Variants in GAS7 observed in about 807,000 individuals in gnomAD.
GAS7 encodes the protein growth arrest-specific protein 7.
GAS7 carries 28 observed loss-of-function variants against 71.1 expected under a neutral mutation model. That is an observed-to-expected ratio of 0.39 (90% CI 0.29 to 0.54). GAS7 has a LOEUF of 0.54. Among genes scored for constraint, GAS7 ranks in the 20% least tolerant of loss-of-function variants. The pLI is 0.62. For missense variants in GAS7, 436 were observed against 627.8 expected (o/e 0.69, Z 3.27); for synonymous variants, 258 against 245.8 (o/e 1.05, Z -0.46).
In GAS7 at chr17:10,161,860, C is replaced by T. The variant is rs140182640; in HGVS notation, c.183+36348G>A. 2.0e-5 allele frequency among the ~76,000 whole-genome samples: 3 copies of T among 152,040 alleles called. No individual in the cohort carries two copies. In the East Asian group the frequency reaches 5.8e-4, roughly 29 times the overall value. On this transcript the variant is annotated intron_variant, in intron 1 of 13. Coordinates refer to ENST00000432992, the MANE Select transcript of GAS7 (RefSeq NM_201433.2). ...CGGGCGGATCATGAGGTCAGGAGAT[C>T]GAGACCATCCTGGTTAACGCGGTGA...
At chr17:10,053,162 T>C (rs1464747360) in intron 1 of GAS7, among the ~76,000 whole-genome samples, 1 of 152,012 alleles carries the variant, frequency 6.6e-6, no homozygotes, top group African/African-American at 2.4e-5. Flanking sequence ...TATTTTACCC[T>C]AGGAGGAGTC....
At chr17:9,990,577 C>G (rs1163336019) in intron 2 of GAS7, among the ~76,000 whole-genome samples, 1 of 152,164 alleles carries the variant, frequency 6.6e-6, no homozygotes, top group Non-Finnish European at 1.5e-5. Context: ...AGGGAAGGAG[C>G]AAGCCACACA....
At chr17:10,090,152 G>C (rs1382749559) in intron 1 of GAS7, among the ~76,000 whole-genome samples, 1 of 149,330 alleles carries the variant, frequency 6.7e-6, no homozygotes, top group Non-Finnish European at 1.5e-5. Flanking sequence ...CTCGGCAATA[G>C]AGAGAGACTC....
In GAS7 at chr17:9,969,226, T is replaced by C. The variant is rs891840199; in HGVS notation, c.471+451A>G. 9.2e-5 allele frequency among the ~76,000 whole-genome samples: 14 copies of C among 152,246 alleles called. No individual in the cohort carries two copies. The highest frequency in any genetic ancestry group is 7.2e-4 in the Admixed American group (11 of 15,286). ...ATCGTACAACATACTCCCATTTCCT[T>C]CCATCTCATAGCTCTCTCTATGCTA... On this transcript the variant is annotated intron_variant, in intron 4 of 13. Coordinates refer to ENST00000432992, the MANE Select transcript of GAS7 (RefSeq NM_201433.2). The surrounding 1 kb of genome is among the most constrained non-coding windows in gnomAD (Gnocchi z 5.5).
At chr17:10,031,584 C>T (rs1238197639) in intron 1 of GAS7, among the ~76,000 whole-genome samples, 1 of 152,182 alleles carries the variant, frequency 6.6e-6, no homozygotes, top group African/African-American at 2.4e-5. Flanking sequence ...TCCACGTGGG[C>T]CTTGCAGAAC....
At chr17:9,925,181 G>A (rs1368126176) in intron 11 of GAS7, among the ~76,000 whole-genome samples, 1 of 123,900 alleles carries the variant, frequency 8.1e-6, no homozygotes, top group South Asian at 2.3e-4. Context: ...GGGCTTGGGC[G>A]GAAAACAAAA....
chr17:9,969,807 T>TG lies in GAS7; in HGVS notation c.386-46dup, dbSNP rs757779850. The TG allele has an allele frequency of 2.3e-6, 3 of 1,277,326 alleles. No individual in the cohort carries two copies. Among genetic ancestry groups the TG allele is most frequent in the Admixed American group, 1.7e-5 (1 of 59,316 alleles). 79.1% of individuals were successfully genotyped at this position (1,277,326 alleles called of 1,614,324 possible). ...GCTCAGATGCTGTGTGGGCCACAGA[T>TG]GGGCACCCCCGCCTTTCGTCCACTG... is the stretch of plus-strand genomic sequence containing the variant. On this transcript the variant is annotated intron_variant, in intron 3 of 13. Coordinates refer to ENST00000432992, the MANE Select transcript of GAS7 (RefSeq NM_201433.2). This position sits in a 1 kb window ranked among gnomAD's most constrained non-coding sequence, Gnocchi z 5.5.
chr17:10,106,291 G>A (rs1363204821), intron 1 of GAS7, among the ~76,000 whole-genome samples: 1 of 152,218 alleles, frequency 6.6e-6, no homozygotes, highest in Non-Finnish European at 1.5e-5. Context: ...CTCGGGTGGC[G>A]GCTCCTCCGC....
chr17:10,058,949 T>C (rs1448409038), intron 1 of GAS7, among the ~76,000 whole-genome samples: 2 of 152,240 alleles, frequency 1.3e-5, no homozygotes, highest in African/African-American at 4.8e-5. Flanking sequence ...TATACAATCC[T>C]GTGTTCATTA....
chr17:10,192,676 G>A (rs2074511266), intron 1 of GAS7, among the ~76,000 whole-genome samples: 1 of 152,180 alleles, frequency 6.6e-6, no homozygotes, highest in African/African-American at 2.4e-5. Flanking sequence ...CAATCCATAA[G>A]CCTTGCTCAT....
chr17:10,117,469 GC>G (rs1343725137), intron 1 of GAS7, among the ~76,000 whole-genome samples: 1 of 152,172 alleles, frequency 6.6e-6, no homozygotes, highest in Non-Finnish European at 1.5e-5. Flanking sequence ...GGCTGCAAAG[GC>G]CCTGATGAGG....
intron 1 of GAS7, among the ~76,000 whole-genome samples, chr17:10,027,903 T>C (rs1198339829): frequency 6.6e-6 from 1 of 152,208 alleles, no homozygotes; most frequent in East Asian, 1.9e-4. Flanking sequence ...GTTTTGTTTT[T>C]TGACGGAGTC....
chr17:9,959,300 T>C lies in GAS7; in HGVS notation c.472-45A>G. ...ACATCGTCAAAGCTGTTCTCCATAT[T>C]GGACATTTTTTCCCCCCATTCAGGT... On this transcript the variant is annotated intron_variant, in intron 4 of 13. Transcript: ENST00000432992. This position sits in a 1 kb window ranked among gnomAD's most constrained non-coding sequence, Gnocchi z 5.0. 1 of 1,613,700 alleles carries C rather than the reference T, an allele frequency of 6.2e-7. No homozygotes were observed. Among genetic ancestry groups the C allele is most frequent in the Non-Finnish European group, 8.5e-7 (1 of 1,179,800 alleles).
At chr17:10,029,859 A>C (rs181265698) in intron 1 of GAS7, among the ~76,000 whole-genome samples, 1 of 151,902 alleles carries the variant, frequency 6.6e-6, no homozygotes, top group Admixed American at 6.5e-5. Context: ...CTCAAAAAAA[A>C]AACAATAATA....
chr17:10,141,143 G>A (rs1204216482), intron 1 of GAS7, among the ~76,000 whole-genome samples: 1 of 152,236 alleles, frequency 6.6e-6, no homozygotes, highest in Admixed American at 6.5e-5. Context: ...GTCACATCAA[G>A]GGGATATTAA....
chr17:9,915,488 G>T lies in GAS7; in HGVS notation c.*1740C>A, dbSNP rs552177364. 5.7e-5 allele frequency: 13 copies of T among 229,268 alleles called. No homozygotes were observed. The highest frequency in any genetic ancestry group is 1.1e-4 in the African/African-American group (5 of 45,228). The allele number at this position is 229,268 out of a possible 1,614,324, so 14.2% of individuals were successfully genotyped here. ...CCAGGAGGTCTTCACGTAGGTGAAGGCCTTTGTGCTGACCTTTTTGGTTGC... is the reference window on the plus strand; with the variant it reads ...CCAGGAGGTCTTCACGTAGGTGAAGTCCTTTGTGCTGACCTTTTTGGTTGC... On this transcript the variant is annotated 3_prime_UTR_variant, in exon 14 of 14. Coordinates refer to ENST00000432992, the MANE Select transcript of GAS7 (RefSeq NM_201433.2).
chr17:10,144,113 G>A (rs2074103957), intron 1 of GAS7, among the ~76,000 whole-genome samples: 2 of 113,056 alleles, frequency 1.8e-5, no homozygotes, highest in South Asian at 3.2e-4. Flanking sequence ...AGGCCTGCTG[G>A]CAAGATGTGA....
chr17:10,023,835 A>T (rs1986266), intron 1 of GAS7, among the ~76,000 whole-genome samples: 18,112 of 152,170 alleles, frequency 0.12, 1,290 homozygotes, highest in Non-Finnish European at 0.16. Context: ...TTAAAAAAAA[A>T]TTTTTTGGCT....
chr17:10,028,182 C>T (rs1023041899), intron 1 of GAS7, among the ~76,000 whole-genome samples: 2 of 152,192 alleles, frequency 1.3e-5, no homozygotes, highest in Non-Finnish European at 2.9e-5. Context: ...GGATTACAGG[C>T]GTGAGCCACT....
Sources: gnomAD v4.1 joint callset for allele counts (sites outside exome capture counted in the v4.1 genomes callset) on GRCh38, gnomAD v4.1.1 for gene constraint, Gnocchi (gnomAD v3.1) non-coding constraint, MANE v1.5 for transcripts, NCBI Gene and HGNC (gene_info 2026-07-23, HGNC 2026-07-21) for gene names.